Variants in SNX8 observed in about 807,000 individuals in gnomAD.
SNX8 encodes sorting nexin 8, also known as sorting nexin-8.
SNX8 carries 25 observed loss-of-function variants against 51.6 expected under a neutral mutation model. The ratio of observed to expected loss-of-function variants is 0.48; its 90% CI spans 0.35 to 0.68. The LOEUF is 0.68. Ranked by LOEUF, SNX8 falls within the 30% of genes least tolerant of loss-of-function variation. The pLI, the probability that SNX8 is intolerant of heterozygous loss-of-function variation, is 0.00. For synonymous variants in SNX8, 324 were observed against 277.0 expected (o/e 1.17, Z -1.68); for missense variants, 695 against 624.0 (o/e 1.11, Z -1.21).
At chr7:2,272,444 G>A (rs886947479) in intron 3 of SNX8, among the ~76,000 whole-genome samples, 14 of 150,974 alleles carry the variant, frequency 9.3e-5, no homozygotes, top group Admixed American at 5.3e-4. Flanking sequence ...GCGCAATCTC[G>A]GCTCACTGCT....
intron 1 of SNX8, among the ~76,000 whole-genome samples, chr7:2,331,488 G>A (rs559025635): frequency 5.3e-5 from 8 of 151,860 alleles, no homozygotes; most frequent in Non-Finnish European, 1.0e-4. Flanking sequence ...GGCAGATCAC[G>A]AGGTCAGGAG....
At chr7:2,313,539 AG>A (rs1317765566) in intron 1 of SNX8, among the ~76,000 whole-genome samples, 20 of 147,654 alleles carry the variant, frequency 1.4e-4, no homozygotes, top group African/African-American at 5.0e-4. Context: ...AAAAAAAAAA[AG>A]AAAAGAAAAG....
intron 1 of SNX8, among the ~76,000 whole-genome samples, chr7:2,351,561 A>ATG (rs1562467009): frequency 6.6e-6 from 1 of 151,212 alleles, no homozygotes; most frequent in African/African-American, 2.4e-5. Flanking sequence ...GGCCAGGCGC[A>ATG]GTGGCTCACG....
intron 1 of SNX8, among the ~76,000 whole-genome samples, chr7:2,278,597 C>T (rs958456677): frequency 1.3e-5 from 2 of 149,302 alleles, no homozygotes; most frequent in Non-Finnish European, 3.0e-5. Flanking sequence ...CTCACTCACT[C>T]ACACTACGGA....
intron 1 of SNX8, among the ~76,000 whole-genome samples, chr7:2,279,518 G>A (rs945839520): frequency 3.3e-5 from 5 of 152,104 alleles, no homozygotes; most frequent in African/African-American, 7.2e-5. Context: ...TGGGGAGACC[G>A]AGGCAAGAGG....
chr7:2,321,427 C>CTT (rs903598248), intron 1 of SNX8, among the ~76,000 whole-genome samples: 7 of 139,530 alleles, frequency 5.0e-5, no homozygotes, highest in East Asian at 2.1e-4. Context: ...AATGGAATTT[C>CTT]TTTTTTTTTT....
At chr7:2,324,358 T>G (rs1467607423) in intron 1 of SNX8, among the ~76,000 whole-genome samples, 4 of 150,858 alleles carry the variant, frequency 2.7e-5, no homozygotes, top group African/African-American at 9.7e-5. Flanking sequence ...TGGTGTGATC[T>G]TGGCTCACTA....
intron 1 of SNX8, among the ~76,000 whole-genome samples, chr7:2,297,195 C>A (rs765702343): frequency 6.6e-6 from 1 of 151,886 alleles, no homozygotes; most frequent in Non-Finnish European, 1.5e-5. Context: ...ACTAAAGGCA[C>A]ATCTACCATT....
chr7:2,311,985 A>G (rs1184809191), intron 1 of SNX8, among the ~76,000 whole-genome samples: 1 of 151,868 alleles, frequency 6.6e-6, no homozygotes, highest in Non-Finnish European at 1.5e-5. Context: ...ACCTGCCAGG[A>G]TGACGACCAA....
At chr7:2,315,104 TCA>T (rs1229484310), upstream of SNX8, among the ~76,000 whole-genome samples, 1 of 146,890 alleles carries the variant, frequency 6.8e-6, no homozygotes, top group East Asian at 2.1e-4. Flanking sequence ...ATTCATCCAC[TCA>T]CACACTCACC....
At position 2,353,390 on chromosome 7, in the gene SNX8, A is replaced by AAC. The variant is rs1169788925; in HGVS notation, c.-66+830_-66+831dup. On this transcript the variant is annotated intron_variant, in intron 1 of 5. Coordinates refer to the SNX8 transcript ENST00000435336. ...AACAGAGCGAGACCCTATCTCTGAA[A>AAC]ACAAACAAAACAAAAAAACTATAGG... Among the ~76,000 whole-genome samples the AAC allele has an allele frequency of 2.6e-5, 4 of 151,324 alleles. No individual in the cohort carries two copies. The East Asian group carries it at 7.7e-4, about 29-fold the overall frequency.
chr7:2,337,776 A>AC (rs1778856101), intron 1 of SNX8, among the ~76,000 whole-genome samples: 1 of 151,032 alleles, frequency 6.6e-6, no homozygotes, highest in South Asian at 2.1e-4. Context: ...TAAAAAAAAA[A>AC]CAAGTATGCA....
intron 1 of SNX8, chr7:2,309,893 G>C (rs1363435657): frequency 2.1e-6 from 1 of 470,794 alleles, no homozygotes; most frequent in Non-Finnish European, 4.4e-6. Context: ...GCTCGGGGCA[G>C]GGGTGAAGGA....
intron 1 of SNX8, among the ~76,000 whole-genome samples, chr7:2,293,647 G>A (rs1353963278): frequency 2.0e-5 from 3 of 150,198 alleles, no homozygotes; most frequent in Non-Finnish European, 3.0e-5. Context: ...GGGTGACAAA[G>A]CAAGACTCCA....
intron 1 of SNX8, among the ~76,000 whole-genome samples, chr7:2,323,368 A>T (rs954956167): frequency 1.2e-4 from 18 of 151,924 alleles, no homozygotes; most frequent in Non-Finnish European, 1.3e-4. Context: ...CAAACAAAAA[A>T]ACTAATAATG....
intron 7 of SNX8, among the ~76,000 whole-genome samples, chr7:2,261,629 C>T (rs1478610057): frequency 6.6e-6 from 1 of 152,184 alleles, no homozygotes; most frequent in African/African-American, 2.4e-5. Flanking sequence ...TTCTCGGTCC[C>T]CTCCACCTGG....
intron 1 of SNX8, among the ~76,000 whole-genome samples, chr7:2,322,903 G>C (rs542386058): frequency 6.6e-6 from 1 of 151,786 alleles, no homozygotes; most frequent in South Asian, 2.1e-4. Context: ...TGTTATCCCA[G>C]CTACTCGGGA....
intron 1 of SNX8, among the ~76,000 whole-genome samples, chr7:2,290,874 G>C (rs1284736462): frequency 6.6e-6 from 1 of 152,212 alleles, no homozygotes; most frequent in African/African-American, 2.4e-5. Flanking sequence ...TTTTCCCCCA[G>C]GAGAACAGGA....
intron 1 of SNX8, among the ~76,000 whole-genome samples, chr7:2,302,075 T>C (rs934271787): frequency 6.6e-6 from 1 of 151,840 alleles, no homozygotes; most frequent in Non-Finnish European, 1.5e-5. Flanking sequence ...ACTTCATCTC[T>C]ATTAAAAAAA....
Sources: allele counts gnomAD v4.1 joint callset (sites outside exome capture counted in the v4.1 genomes callset), GRCh38; gene constraint gnomAD v4.1.1; transcripts MANE v1.5; gene names NCBI Gene and HGNC (gene_info 2026-07-23, HGNC 2026-07-21).